PNMA6E: variants seen among roughly 807,000 people sequenced by gnomAD.
The protein encoded by PNMA6E is PNMA family member 6E, also known as paraneoplastic antigen Ma6E.
For missense variants in PNMA6E, 78 were observed against 50.8 expected (o/e 1.53, Z -1.63); for synonymous variants, 43 against 17.1 (o/e 2.52, Z -3.74).
In PNMA6E at chrX:153,397,690, G is replaced by A. The variant is rs781894072; in HGVS notation, c.1160C>T (p.Ala387Val). 4.8e-4 allele frequency: 146 copies of A among 302,905 alleles called. No homozygotes were observed. The highest frequency in any genetic ancestry group is 7.0e-4 in the Non-Finnish European group (121 of 173,815). 25.0% of individuals were successfully genotyped at this position (302,905 alleles called of 1,213,427 possible). Residue 387 changes from alanine to valine, a missense_variant, in exon 2 of 2, where the codon GCG (alanine) becomes GTG (valine). Transcript: ENST00000445091. ...GLLEEDTNLSALDCLAALGQV... is the reference protein window; with the variant it reads ...GLLEEDTNLSVLDCLAALGQV... ...CCCCAGCGCCGCCAGGCAGTCCAGCGCGGACAAGTTGGTATCTTCCTCCAG... is the reference window on the plus strand; with the variant it reads ...CCCCAGCGCCGCCAGGCAGTCCAGCACGGACAAGTTGGTATCTTCCTCCAG...
chrX:153,411,258 C>G, the PNMA6E span, among the ~76,000 whole-genome samples: 3 of 112,814 alleles, frequency 2.7e-5, no homozygotes, highest in East Asian at 2.8e-4. Context: ...GGGTCCCTCC[C>G]GTCCCCTTCA....
chrX:153,402,298 T>A (rs1379826369), upstream of PNMA6E, among the ~76,000 whole-genome samples: 1 of 112,112 alleles, frequency 8.9e-6, no homozygotes, highest in African/African-American at 3.2e-5. Flanking sequence ...GATTAATTGA[T>A]CCTTGTATCA....
chrX:153,411,644 C>T, the PNMA6E span, among the ~76,000 whole-genome samples: 1 of 113,114 alleles, frequency 8.8e-6, no homozygotes, highest in Non-Finnish European at 1.9e-5. Flanking sequence ...GCGGCCTTGG[C>T]CTCGGGCCTG....
chrX:153,413,456 C>T, the PNMA6E span, among the ~76,000 whole-genome samples: 1 of 108,344 alleles, frequency 9.2e-6, no homozygotes, highest in Non-Finnish European at 1.9e-5. Context: ...GGTCCCGGGT[C>T]CGAGGCCCCT....
In PNMA6E at chrX:153,396,726, G is replaced by T. The variant is rs781900844; in HGVS notation, c.*180C>A. On this transcript the variant is annotated 3_prime_UTR_variant, in exon 2 of 2. Transcript: ENST00000445091. ...GGGGCGCCTCTCCCCACCCCATTTT[G>T]TATCAAACGTGGTCATCCGGGTCAC... 21 of 286,962 alleles carry T rather than the reference G, an allele frequency of 7.3e-5. No homozygotes were observed. In the South Asian group the frequency reaches 2.4e-3, roughly 33 times the overall value. 23.6% of individuals were successfully genotyped at this position (286,962 alleles called of 1,213,427 possible). A position where few individuals can be genotyped will look rare whatever the true frequency, so the allele number is the denominator to read the frequency against.
chrX:153,398,672 G>A lies in PNMA6E; in HGVS notation c.178C>T (p.Leu60Phe), dbSNP rs1403844289. Residue 60 changes from leucine to phenylalanine, a missense_variant, in exon 2 of 2, where the codon CTC becomes TTC. By Grantham distance (22) the Leu-to-Phe change is conservative (BLOSUM62 0). Coordinates refer to ENST00000445091, the MANE Select transcript of PNMA6E (RefSeq NM_001367770.1). ...RVLTKHFRKE[L>F]GAKAALVEFA... ...TCCACCAAGGCTGCCTTGGCCCCGA[G>A]CTCCTTTCTGAAGTGCTTGGTGAGT... 6.1e-6 allele frequency: 2 copies of A among 326,036 alleles called. No individual in the cohort carries two copies. The highest frequency in any genetic ancestry group is 5.3e-5 in the African/African-American group (2 of 37,553). 26.9% of individuals were successfully genotyped at this position (326,036 alleles called of 1,213,427 possible). A position where few individuals can be genotyped will look rare whatever the true frequency, so the allele number is the denominator to read the frequency against.
chrX:153,409,650 G>C, the PNMA6E span, among the ~76,000 whole-genome samples: 1 of 112,880 alleles, frequency 8.9e-6, no homozygotes, highest in Admixed American at 9.3e-5. Context: ...CACACACGCG[G>C]TGCCAACAAT....
Position 153,397,169 on chromosome X carries a change from T to C in PNMA6E, c.1681A>G (p.Ser561Gly). ...AGGCCTTCGGGGCCTGCAGGGGCAC[T>C]TTCACCTTCCCCAGCGGCAGGGGCT... ...RGAPAAGEGE[S>G]APAGPEGLGQ... The change falls in exon 2 of 2, where the codon AGT becomes GGT. Residue 561 changes from serine (S) to glycine (G), a missense_variant. Ser to Gly is a moderately conservative substitution (Grantham distance 56). Coordinates refer to ENST00000445091, the MANE Select transcript of PNMA6E (RefSeq NM_001367770.1). The C allele has an allele frequency of 3.4e-6, 1 of 298,014 alleles. No individual in the cohort carries two copies. Among genetic ancestry groups the C allele is most frequent in the African/African-American group, 2.7e-5 (1 of 37,186 alleles). 24.6% of individuals were successfully genotyped at this position (298,014 alleles called of 1,213,427 possible).
chrX:153,410,196 C>G, the PNMA6E span, among the ~76,000 whole-genome samples: 1 of 111,608 alleles, frequency 9.0e-6, no homozygotes, highest in Non-Finnish European at 1.9e-5. Flanking sequence ...TCTCCTGTCT[C>G]TTCTAAGGAA....
the PNMA6E span, among the ~76,000 whole-genome samples, chrX:153,409,144 C>T: frequency 5.3e-5 from 6 of 113,138 alleles, no homozygotes; most frequent in Non-Finnish European, 1.1e-4. Flanking sequence ...CCCCGGCTAC[C>T]TCACCTGCCC....
the PNMA6E span, among the ~76,000 whole-genome samples, chrX:153,409,924 C>A: frequency 8.9e-6 from 1 of 112,360 alleles, no homozygotes; most frequent in Admixed American, 9.3e-5. Context: ...AAGGTCCCCC[C>A]GCCCCCTGCC....
the PNMA6E span, among the ~76,000 whole-genome samples, chrX:153,412,658 C>T: frequency 1.8e-5 from 2 of 111,452 alleles, no homozygotes; most frequent in African/African-American, 6.5e-5. Context: ...ACAAGGAATC[C>T]CCTGTACAAA....
Position 153,395,864 on chromosome X carries a change from G to C in PNMA6E, c.*1042C>G, listed in dbSNP as rs782685589. 1.8e-5 allele frequency: 2 copies of C among 110,838 alleles called. No individual in the cohort carries two copies. The highest frequency in any genetic ancestry group is 6.6e-5 in the African/African-American group (2 of 30,312). The allele number at this position is 110,838 out of a possible 1,213,427, so 9.1% of individuals were successfully genotyped here. On this transcript the variant is annotated 3_prime_UTR_variant, in exon 2 of 2. Coordinates refer to ENST00000445091, the MANE Select transcript of PNMA6E (RefSeq NM_001367770.1). The stretch of plus-strand genomic sequence containing the variant: ...GGCCCCAGGGTCTGCCTTTTGCCAG[G>C]ACAGTGGACTCTGGCAGTGTCCACT...
rs942274862 is a variant in PNMA6E at position 153,397,354 on chromosome X, G to A, written c.1496C>T (p.Ala499Val). Residue 499 changes from alanine (A) to valine (V), a missense_variant, in exon 2 of 2, where the codon GCG becomes GTG. By Grantham distance (64) the Ala-to-Val change is moderately conservative. Coordinates refer to ENST00000445091, the MANE Select transcript of PNMA6E (RefSeq NM_001367770.1). The part of the protein sequence containing the change: ...REMEAWAAFP[A>V]RSQQGVAWAA... ...CCAGGCCACACCCTGCTGGCTCCTCGCTGGGAAGGCTGCCCATGCCTCCAT... is the reference window on the plus strand; with the variant it reads ...CCAGGCCACACCCTGCTGGCTCCTCACTGGGAAGGCTGCCCATGCCTCCAT... 57 of 297,067 alleles carry A rather than the reference G, an allele frequency of 1.9e-4. No individual in the cohort carries two copies. The highest frequency in any genetic ancestry group is 8.6e-4 in the Middle Eastern group (1 of 1,157). 24.5% of individuals were successfully genotyped at this position (297,067 alleles called of 1,213,427 possible).
the PNMA6E span, among the ~76,000 whole-genome samples, chrX:153,409,839 T>G: frequency 1.8e-5 from 2 of 112,070 alleles, no homozygotes; most frequent in Non-Finnish European, 3.8e-5. Flanking sequence ...TCTCTGGAAA[T>G]GAGCCAAGGA....
the PNMA6E span, among the ~76,000 whole-genome samples, chrX:153,412,962 G>T: frequency 8.9e-6 from 1 of 111,874 alleles, no homozygotes; most frequent in Non-Finnish European, 1.9e-5. Flanking sequence ...GACTTTTTCA[G>T]GCTAGGCTGC....
the PNMA6E span, among the ~76,000 whole-genome samples, chrX:153,412,096 C>T: frequency 1.8e-5 from 2 of 112,824 alleles, no homozygotes; most frequent in African/African-American, 6.4e-5. Flanking sequence ...GCCCAGGCAC[C>T]GGCCCTGAGG....
At chrX:153,409,810 G>T in the PNMA6E span, among the ~76,000 whole-genome samples, 8 of 112,146 alleles carry the variant, frequency 7.1e-5, no homozygotes, top group South Asian at 1.9e-3. Flanking sequence ...CAGCCTCCAT[G>T]CAGGTTGGCC....
chrX:153,407,877 G>A, the PNMA6E span, among the ~76,000 whole-genome samples: 1 of 112,741 alleles, frequency 8.9e-6, no homozygotes, highest in East Asian at 2.8e-4. Flanking sequence ...TATCCACAGA[G>A]GAGGGGCCTC....
Sources: gnomAD v4.1 joint callset for allele counts (sites outside exome capture counted in the v4.1 genomes callset) on GRCh38, gnomAD v4.1.1 for gene constraint, MANE v1.5 for transcripts, NCBI Gene and HGNC (gene_info 2026-07-23, HGNC 2026-07-21) for gene names.